Variants in HGF observed in about 807,000 individuals in gnomAD.
HGF encodes hepatocyte growth factor, also known as fibroblast-derived tumor cytotoxic factor.
Under a neutral mutation model 111.6 loss-of-function variants are expected in HGF, and 39 were observed. That is an observed-to-expected ratio of 0.35 (90% CI 0.27 to 0.46). The LOEUF (loss-of-function observed/expected upper bound fraction) is 0.46. HGF is among the 20% of genes least tolerant of loss of function. The pLI is 1.00. For missense variants in HGF, 735 were observed against 910.5 expected, an observed-to-expected ratio of 0.81 and a Z score of 2.48; for synonymous variants, 285 against 294.8, an observed-to-expected ratio of 0.97 and a Z score of 0.34.
chr7:81,736,762 A>G lies in HGF; in HGVS notation c.865+6591T>C, dbSNP rs768738619. On this transcript the variant is annotated intron_variant, in intron 7 of 17. Transcript: ENST00000222390. The stretch of plus-strand genomic sequence containing the variant: ...TGGAACAGACAGCATGAGAGCCTGG[A>G]GAGAAATGTGGAGGTATATGAAGTC... 4.3e-6 allele frequency: 2 copies of G among 469,696 alleles called. 1 individual carries two copies. Among genetic ancestry groups the G allele is most frequent in the Middle Eastern group, 6.5e-4 (2 of 3,092 alleles). The allele number at this position is 469,696 out of a possible 1,614,324, so 29.1% of individuals were successfully genotyped here.
At chr7:81,764,468 TC>T (rs1789257091) in intron 1 of HGF, among the ~76,000 whole-genome samples, 1 of 152,062 alleles carries the variant, frequency 6.6e-6, no homozygotes, top group African/African-American at 2.4e-5. Context: ...GAAAATGAAA[TC>T]AACCAAAAAT....
At chr7:81,769,792 T>C in intron 1 of HGF, 92 bp downstream of exon 1, 1 of 916,022 alleles carries the variant, frequency 1.1e-6, no homozygotes, top group Admixed American at 2.0e-5. Flanking sequence ...ATGCTGGGAA[T>C]AGGGTAAAAA....
chr7:81,720,508 A>G (rs1267073637), intron 10 of HGF, among the ~76,000 whole-genome samples: 1 of 152,212 alleles, frequency 6.6e-6, no homozygotes, highest in Non-Finnish European at 1.5e-5. Flanking sequence ...TACCAATTAC[A>G]GTACAGAACA....
chr7:81,727,378 G>A (rs1328040185), intron 8 of HGF, among the ~76,000 whole-genome samples: 1 of 151,950 alleles, frequency 6.6e-6, no homozygotes, highest in South Asian at 2.1e-4. Flanking sequence ...AGCTTGTGTT[G>A]GGTTAGAAAG....
intron 7 of HGF, among the ~76,000 whole-genome samples, chr7:81,735,034 G>T (rs1006453587): frequency 6.6e-6 from 1 of 151,998 alleles, no homozygotes; most frequent in African/African-American, 2.4e-5. Flanking sequence ...CTTTATGAAG[G>T]TCCCTCGGGA....
At chr7:81,747,255 C>A (rs1483503343) in intron 5 of HGF, among the ~76,000 whole-genome samples, 1 of 152,130 alleles carries the variant, frequency 6.6e-6, no homozygotes, top group African/African-American at 2.4e-5. Flanking sequence ...AGGAGAATGG[C>A]GTGAACCCGG....
Position 81,699,497 on chromosome 7 carries a change from TTAATTA to T in HGF, c.*3078_*3083del, listed in dbSNP as rs1168255959. 7 of 151,676 alleles carry T rather than the reference TTAATTA, an allele frequency of 4.6e-5. No individual in the cohort carries two copies. The allele number at this position is 151,676 out of a possible 1,614,324, so 9.4% of individuals were successfully genotyped here. A position where few individuals can be genotyped will look rare whatever the true frequency, so the allele number is the denominator to read the frequency against. ...GTTTGCCTATATGTATGGGATGTAA[TTAATTA>T]TAATAGTATTTTTTGAATCTCAATA... is the stretch of plus-strand genomic sequence containing the variant. On this transcript the variant is annotated 3_prime_UTR_variant, in exon 18 of 18. Transcript: ENST00000222390.
chr7:81,709,089 A>T (rs1199708182), intron 13 of HGF, among the ~76,000 whole-genome samples: 1 of 152,234 alleles, frequency 6.6e-6, no homozygotes, highest in Non-Finnish European at 1.5e-5. Flanking sequence ...CTCTATTCTA[A>T]TGTCACTGTG....
chr7:81,713,185 T>C (rs1199194217), intron 11 of HGF, among the ~76,000 whole-genome samples: 1 of 152,182 alleles, frequency 6.6e-6, no homozygotes, highest in South Asian at 2.1e-4. Context: ...GTCAACAAAA[T>C]GCTTAGTTAA....
chr7:81,757,214 T>G lies in HGF; in HGVS notation c.457A>C (p.Ser153Arg). Residue 153 changes from serine (S) to arginine (R), a missense_variant, in exon 4 of 18, where the codon AGT becomes CGT. Around this residue, in one of 3 missense-constraint regions of HGF, gnomAD observed 553 missense variants for 685.6 expected, o/e 0.81. Transcript: ENST00000222390. ...CTGTGTTCGTGTGGTATCATGGAACTCCAGGGCTGACATTTGATGCCACTC... is the reference window on the plus strand; with the variant it reads ...CTGTGTTCGTGTGGTATCATGGAACGCCAGGGCTGACATTTGATGCCACTC... The part of the protein sequence containing the change: ...TKSGIKCQPW[S>R]SMIPHEHSFL... 6.3e-7 allele frequency: 1 copy of G among 1,595,186 alleles called. No individual in the cohort carries two copies. The highest frequency in any genetic ancestry group is 8.6e-7 in the Non-Finnish European group (1 of 1,162,690).
At chr7:81,707,512 T>C (rs2115781638) in intron 13 of HGF, 148 bp from the exon 14 acceptor site, 1 of 642,598 alleles carries the variant, frequency 1.6e-6, no homozygotes, top group African/African-American at 1.8e-5. Context: ...AAATGAGAAG[T>C]TCTTTTATCT....
chr7:81,724,619 G>T (rs576467132), intron 9 of HGF, among the ~76,000 whole-genome samples: 11 of 152,264 alleles, frequency 7.2e-5, no homozygotes, highest in African/African-American at 2.6e-4. Context: ...AGGTAGGTTT[G>T]TTATATGTAA....
intron 7 of HGF, among the ~76,000 whole-genome samples, chr7:81,732,600 C>A (rs543924045): frequency 1.6e-3 from 246 of 152,180 alleles, no homozygotes; most frequent in African/African-American, 5.8e-3. Context: ...AATACTTAGA[C>A]CCTTAAACTC....
chr7:81,727,126 C>A (rs1266490546), intron 8 of HGF, among the ~76,000 whole-genome samples: 1 of 151,362 alleles, frequency 6.6e-6, no homozygotes, highest in Non-Finnish European at 1.5e-5. Context: ...CTGCAAGCTC[C>A]GCCTCCCAGG....
intron 1 of HGF, among the ~76,000 whole-genome samples, chr7:81,768,369 C>A (rs1365811547): frequency 6.6e-6 from 1 of 151,984 alleles, no homozygotes; most frequent in African/African-American, 2.4e-5. Context: ...CAGCAGTCAT[C>A]TGTGAAGCAT....
chr7:81,714,251 T>C (rs553875698), intron 11 of HGF, among the ~76,000 whole-genome samples: 6 of 152,218 alleles, frequency 3.9e-5, no homozygotes, highest in South Asian at 4.1e-4. Flanking sequence ...TTCTATACTA[T>C]GAACTATTTA....
intron 11 of HGF, among the ~76,000 whole-genome samples, chr7:81,716,905 T>C (rs1275590483): frequency 6.6e-6 from 1 of 152,076 alleles, no homozygotes; most frequent in Non-Finnish European, 1.5e-5. Flanking sequence ...AGTATTGGTA[T>C]TGGGGGGTGG....
chr7:81,718,350 G>A (rs1457695579), intron 10 of HGF, among the ~76,000 whole-genome samples: 3 of 152,100 alleles, frequency 2.0e-5, no homozygotes, highest in African/African-American at 7.2e-5. Context: ...TAGTCTTTAA[G>A]GTTATGCCAT....
intron 8 of HGF, 71 bp from the exon 9 acceptor site, chr7:81,726,088 T>G: frequency 1.4e-6 from 2 of 1,398,046 alleles, no homozygotes; most frequent in Non-Finnish European, 2.0e-6. Flanking sequence ...CTATTACATT[T>G]CTAGAATTCT....
Sources: gnomAD v4.1 joint callset for allele counts (sites outside exome capture counted in the v4.1 genomes callset) on GRCh38, gnomAD v4.1.1 for gene constraint, gnomAD v4.1.1 regional missense constraint, MANE v1.5 for transcripts, NCBI Gene and HGNC (gene_info 2026-07-23, HGNC 2026-07-21) for gene names.